CPXM2: variants seen among roughly 807,000 people sequenced by gnomAD.
CPXM2 encodes carboxypeptidase X, M14 family member 2.
In CPXM2, 66 loss-of-function variants were observed where a neutral mutation model predicts 86.1. The ratio of observed to expected loss-of-function variants is 0.77; its 90% confidence interval spans 0.63 to 0.94. The LOEUF is 0.94. Among genes scored for constraint, CPXM2 ranks in the 40% least tolerant of loss-of-function variants. The pLI, the probability that CPXM2 is intolerant of heterozygous loss-of-function variation, is 0.00. For synonymous variants in CPXM2, 388 were observed against 400.2 expected (o/e 0.97, Z 0.36); for missense variants, 948 against 1,026.3 (o/e 0.92, Z 1.04).
At chr10:123,892,558 G>A (rs144244214), upstream of CPXM2, among the ~76,000 whole-genome samples, 1,085 of 151,958 alleles carry the variant, frequency 7.1e-3, 10 homozygotes, top group African/African-American at 0.024. Flanking sequence ...GCGGGGATGT[G>A]GGGAACCAGG....
At chr10:123,795,291 A>G (rs1282964168) in intron 6 of CPXM2, among the ~76,000 whole-genome samples, 2 of 152,324 alleles carry the variant, frequency 1.3e-5, no homozygotes, top group South Asian at 2.1e-4. Flanking sequence ...TTAATAGACC[A>G]TGGTATATGG....
chr10:123,792,095 G>A (rs559824219), intron 6 of CPXM2, among the ~76,000 whole-genome samples: 2 of 152,192 alleles, frequency 1.3e-5, no homozygotes, highest in Middle Eastern at 3.2e-3. Context: ...CACCATTAGC[G>A]AGTCACAGAG....
intron 2 of CPXM2, among the ~76,000 whole-genome samples, chr10:123,927,811 G>C (rs1945636890): frequency 6.6e-6 from 1 of 152,186 alleles, no homozygotes; most frequent in South Asian, 2.1e-4. Flanking sequence ...TCCAACATTT[G>C]TGTGGTTTTA....
chr10:123,838,808 C>T (rs1052096085), intron 4 of CPXM2, among the ~76,000 whole-genome samples: 3 of 152,072 alleles, frequency 2.0e-5, no homozygotes, highest in African/African-American at 7.2e-5. Context: ...CAACAGGCAC[C>T]AGGGAAGCGT....
intron 6 of CPXM2, among the ~76,000 whole-genome samples, chr10:123,789,759 C>T (rs540385429): frequency 1.4e-4 from 21 of 152,270 alleles, no homozygotes; most frequent in South Asian, 6.2e-4. Flanking sequence ...CCTACTGCTG[C>T]GTCGTTCCCC....
intron 2 of CPXM2, among the ~76,000 whole-genome samples, chr10:123,924,233 C>T (rs1945603732): frequency 6.6e-6 from 1 of 152,308 alleles, no homozygotes; most frequent in East Asian, 1.9e-4. Context: ...GGTGCAGGCT[C>T]CACAGATGAA....
intron 4 of CPXM2, among the ~76,000 whole-genome samples, chr10:123,804,281 A>G (rs1279179227): frequency 1.3e-5 from 2 of 152,192 alleles, no homozygotes; most frequent in Non-Finnish European, 2.9e-5. Flanking sequence ...GTCAATTTCT[A>G]AAACAAAGCC....
At chr10:123,782,577 T>C (rs897587833) in intron 6 of CPXM2, among the ~76,000 whole-genome samples, 1 of 152,190 alleles carries the variant, frequency 6.6e-6, no homozygotes, top group Non-Finnish European at 1.5e-5. Context: ...TTTATTCTGA[T>C]TAGACAAAGT....
chr10:123,768,492 T>C lies in CPXM2; in HGVS notation c.1299+34A>G, dbSNP rs779224061. 4 of 1,572,274 alleles carry C rather than the reference T, an allele frequency of 2.5e-6. No individual in the cohort carries two copies. The East Asian group carries it at 6.9e-5, about 27-fold the overall frequency. On this transcript the variant is annotated intron_variant, in intron 9 of 13. Transcript: ENST00000241305. ...TCTGGAGCTGGGGCCTCGCTGCCCATGTCCTATTGGGTGAGATGGGCCAGG... is the reference window on the plus strand; with the variant it reads ...TCTGGAGCTGGGGCCTCGCTGCCCACGTCCTATTGGGTGAGATGGGCCAGG...
chr10:123,747,541 G>A (rs563309102), intron 13 of CPXM2, among the ~76,000 whole-genome samples: 1 of 152,272 alleles, frequency 6.6e-6, no homozygotes, highest in East Asian at 1.9e-4. Flanking sequence ...CCCTGGCTGG[G>A]GCCTGGAGAG....
At chr10:123,812,852 T>A (rs973401071) in intron 4 of CPXM2, among the ~76,000 whole-genome samples, 11 of 152,146 alleles carry the variant, frequency 7.2e-5, no homozygotes, top group African/African-American at 2.4e-4. Flanking sequence ...ACCATCTGTA[T>A]AAAAACTCTT....
chr10:123,883,736 A>T (rs1314071641), intron 1 of CPXM2, among the ~76,000 whole-genome samples: 1 of 152,230 alleles, frequency 6.6e-6, no homozygotes, highest in Non-Finnish European at 1.5e-5. Flanking sequence ...GGTCACGGAC[A>T]GAGCAAGGAG....
At chr10:123,921,056 A>ATT (rs1352683380) in intron 2 of CPXM2, among the ~76,000 whole-genome samples, 1 of 152,322 alleles carries the variant, frequency 6.6e-6, no homozygotes, top group South Asian at 2.1e-4. Flanking sequence ...ATGATCAAAC[A>ATT]TTTTTATAAC....
chr10:123,781,468 G>A (rs1422355236), intron 6 of CPXM2, among the ~76,000 whole-genome samples: 2 of 152,170 alleles, frequency 1.3e-5, no homozygotes, highest in East Asian at 3.9e-4. Flanking sequence ...TCTCTGTCAG[G>A]AAGACGCCAC....
chr10:123,853,739 T>C (rs1452023131), intron 3 of CPXM2, among the ~76,000 whole-genome samples: 1 of 152,142 alleles, frequency 6.6e-6, no homozygotes, highest in Admixed American at 6.5e-5. Flanking sequence ...ACCCTGTCTC[T>C]ACTAAACATA....
At chr10:123,757,610 A>T (rs1325565896) in intron 11 of CPXM2, among the ~76,000 whole-genome samples, 1 of 152,244 alleles carries the variant, frequency 6.6e-6, no homozygotes, top group African/African-American at 2.4e-5. Flanking sequence ...ACAAAAGAAG[A>T]ATTGAAATAA....
chr10:123,753,791 T>C (rs1846133979), intron 13 of CPXM2, among the ~76,000 whole-genome samples: 1 of 152,144 alleles, frequency 6.6e-6, no homozygotes. Context: ...AGCACTGCCT[T>C]TTAGAGATCA....
chr10:123,758,796 C>T (rs1346604842), intron 11 of CPXM2, among the ~76,000 whole-genome samples: 1 of 152,186 alleles, frequency 6.6e-6, no homozygotes, highest in African/African-American at 2.4e-5. Flanking sequence ...GACCACCCTC[C>T]CTGGGCTCTA....
intron 2 of CPXM2, among the ~76,000 whole-genome samples, chr10:123,898,237 A>C (rs1945353358): frequency 2.0e-5 from 3 of 152,262 alleles, no homozygotes; most frequent in Admixed American, 2.0e-4. Context: ...AAAATAGAGA[A>C]CCTGAACAGA....
Sources: gnomAD v4.1 joint callset for allele counts (sites outside exome capture counted in the v4.1 genomes callset) on GRCh38, gnomAD v4.1.1 for gene constraint, MANE v1.5 for transcripts, NCBI Gene and HGNC (gene_info 2026-07-23, HGNC 2026-07-21) for gene names.